Variants in SGSM3 observed in about 807,000 individuals in gnomAD.
SGSM3 encodes small G protein signaling modulator 3.
In SGSM3, 96 loss-of-function variants were observed where a neutral mutation model predicts 100.5. The ratio of observed to expected loss-of-function variants is 0.96; its 90% CI spans 0.81 to 1.13. SGSM3 has a LOEUF of 1.13. SGSM3 is among the 50% of genes most tolerant of loss of function. The probability of loss-of-function intolerance (pLI) is 0.00; values close to 1 mark genes in which losing one functional copy is unlikely to be tolerated. For synonymous variants in SGSM3, 483 were observed against 422.8 expected, an observed-to-expected ratio of 1.14 and a Z score of -1.75; for missense variants, 1,001 against 1,015.8, an observed-to-expected ratio of 0.99 and a Z score of 0.20.
chr22:40,372,696 C>A (rs1343065156), intron 1 of SGSM3: 5 of 152,208 alleles, frequency 3.3e-5, no homozygotes, highest in Admixed American at 3.3e-4. Flanking sequence ...ATAATCATCT[C>A]TTTTATTTTA....
chr22:40,408,751 C>A, intron 17 of SGSM3, 43 bp from the exon 18 acceptor site: 1 of 1,613,884 alleles, frequency 6.2e-7, no homozygotes, highest in Non-Finnish European at 8.5e-7. Flanking sequence ...AGGGCGGGGC[C>A]TGACCCAGCC....
In SGSM3 at chr22:40,407,298, C is replaced by A; in HGVS notation, c.1338C>A (p.Phe446Leu). 1 of 1,613,594 alleles carries A rather than the reference C, an allele frequency of 6.2e-7. No individual in the cohort carries two copies. Among genetic ancestry groups the A allele is most frequent in the African/African-American group, 1.3e-5 (1 of 75,064 alleles). Residue 446 changes from phenylalanine (F) to leucine (L), a missense_variant, in exon 12 of 22, where the codon TTC becomes TTA. Coordinates refer to ENST00000248929, the MANE Select transcript of SGSM3 (RefSeq NM_015705.6). This position sits in a 1 kb window ranked among gnomAD's most constrained non-coding sequence, Gnocchi z 4.7. ...REAILRVARH[F>L]QCTDPKNCSV... is the part of the protein sequence containing the mutation. The stretch of plus-strand genomic sequence containing the variant: ...CCATCCTGCGCGTGGCACGCCACTT[C>A]CAGTGCACAGACCCCAAAAACTGCA...
chr22:40,371,433 C>G (rs2045453675), intron 1 of SGSM3, among the ~76,000 whole-genome samples: 1 of 152,152 alleles, frequency 6.6e-6, no homozygotes, highest in Non-Finnish European at 1.5e-5. Context: ...TAGAGATGTC[C>G]TGGAATGTTC....
At position 40,407,896 on chromosome 22, in the gene SGSM3, AG is replaced by A; in HGVS notation, c.1579+54del. On this transcript the variant is annotated intron_variant, in intron 14 of 21. Coordinates refer to ENST00000248929, the MANE Select transcript of SGSM3 (RefSeq NM_015705.6). This position sits in a 1 kb window ranked among gnomAD's most constrained non-coding sequence, Gnocchi z 4.7. ...GGGAGAGGGAGGAGGGGGTGGGCAC[AG>A]AAGACTTGGGTGACCCTGGCCGCCA... 6.5e-7 allele frequency: 1 copy of A among 1,549,398 alleles called. No homozygotes were observed. Among genetic ancestry groups the A allele is most frequent in the South Asian group, 1.2e-5 (1 of 85,522 alleles).
rs769750141 is a variant in SGSM3 at position 40,407,058 on chromosome 22, TGCTCTGCTCTTCGGTGAGA to T, written c.1235_1240+13del. The T allele has an allele frequency of 6.3e-7, 1 of 1,592,090 alleles. No homozygotes were observed. Among genetic ancestry groups the T allele is most frequent in the South Asian group, 1.1e-5 (1 of 88,018 alleles). On this transcript the variant is annotated splice_donor_variant and splice_donor_5th_base_variant and coding_sequence_variant and intron_variant, in exon 11 of 22. Transcript: ENST00000248929. LOFTEE classifies it high-confidence loss of function. This position sits in a 1 kb window ranked among gnomAD's most constrained non-coding sequence, Gnocchi z 4.7. ...CCCAGCGGAGGAAGTCCACCATCACTGCTCTGCTCTTCGGTGAGAGCTCTGCGAGTGCCAGGCAGTGTGG... is the reference window on the plus strand; with the variant it reads ...CCCAGCGGAGGAAGTCCACCATCACTGCTCTGCGAGTGCCAGGCAGTGTGG...
intron 8 of SGSM3, 91 bp downstream of exon 8, chr22:40,405,935 A>G (rs2051429943): frequency 1.3e-6 from 2 of 1,481,790 alleles, no homozygotes; most frequent in Non-Finnish European, 1.8e-6. Context: ...CCCCCCAACC[A>G]TGGTCTTTGT....
chr22:40,407,458 G>C lies in SGSM3; in HGVS notation c.1414G>C (p.Glu472Gln), dbSNP rs781040855. The C allele has an allele frequency of 6.2e-7, 1 of 1,612,330 alleles. No individual in the cohort carries two copies. Among genetic ancestry groups the C allele is most frequent in the Non-Finnish European group, 8.5e-7 (1 of 1,179,904 alleles). Residue 472 changes from glutamate to glutamine, a missense_variant, in exon 13 of 22, where the codon GAG (glutamate) becomes CAG (glutamine). Coordinates refer to ENST00000248929, the MANE Select transcript of SGSM3 (RefSeq NM_015705.6). The surrounding 1 kb of genome is among the most constrained non-coding windows in gnomAD (Gnocchi z 4.7). Reference sequence around the variant, plus strand: ...CATGGAGAGCCACCAGCGGGACCACGAGAACTACGTGGCGTGCTCACGCAG... The same window carrying C: ...CATGGAGAGCCACCAGCGGGACCACCAGAACTACGTGGCGTGCTCACGCAG... Reference protein sequence around the residue: ...YSMESHQRDHENYVACSRSHR... With the variant: ...YSMESHQRDHQNYVACSRSHR...
intron 1 of SGSM3, among the ~76,000 whole-genome samples, chr22:40,375,372 G>A (rs1458186605): frequency 6.6e-6 from 1 of 152,152 alleles, no homozygotes; most frequent in East Asian, 1.9e-4. Flanking sequence ...CTAAGGTCAG[G>A]AGTTTGAGAC....
chr22:40,406,720 C>G, intron 10 of SGSM3, 58 bp downstream of exon 10: 1 of 1,439,602 alleles, frequency 6.9e-7, no homozygotes, highest in Non-Finnish European at 9.6e-7. Flanking sequence ...GAGGGGTCAC[C>G]TTGAAGTTCA....
chr22:40,404,525 G>C lies in SGSM3; in HGVS notation c.367-32G>C, dbSNP rs749462359. 2.4e-5 allele frequency: 38 copies of C among 1,611,400 alleles called. No homozygotes were observed. The Admixed American group carries it at 6.3e-4, about 27-fold the overall frequency. On this transcript the variant is annotated intron_variant, in intron 5 of 21. Transcript: ENST00000248929. ...CCCCATGATCAGGTGTCACGAGAAA[G>C]ACTGAGTGCCCTTGCGGCTCCCTTC...
intron 1 of SGSM3, among the ~76,000 whole-genome samples, chr22:40,393,267 G>A (rs1040377920): frequency 3.9e-5 from 6 of 152,184 alleles, no homozygotes; most frequent in Non-Finnish European, 8.8e-5. Context: ...AGAGGCGCGT[G>A]CCACCACGCC....
rs185532410 is a variant in SGSM3, at chr22:40,401,317, G to A, written c.8-276G>A. Reference sequence around the variant, plus strand: ...TGCCCAGGCTGGAGCGCAATGGCACGATCCTTGCTCACTGCAACCTCCGCT... The same window carrying A: ...TGCCCAGGCTGGAGCGCAATGGCACAATCCTTGCTCACTGCAACCTCCGCT... On this transcript the variant is annotated intron_variant, in intron 2 of 21. Transcript: ENST00000248929. 1.9e-4 allele frequency among the ~76,000 whole-genome samples: 29 copies of A among 152,050 alleles called. 1 individual carries two copies. In the East Asian group the frequency reaches 5.0e-3, roughly 26 times the overall value.
rs1019040661 is a variant in SGSM3, at chr22:40,409,836, G to C, written c.*77G>C. ...CCCAAGCTGCAGAGCCCAGGGAAGA[G>C]CAGCTCCAGAGCCCTGGCCGGGGCC... On this transcript the variant is annotated 3_prime_UTR_variant, in exon 22 of 22. Transcript: ENST00000248929. 1.9e-6 allele frequency: 3 copies of C among 1,546,338 alleles called. No homozygotes were observed. The African/African-American group carries it at 4.1e-5, about 21-fold the overall frequency.
intron 1 of SGSM3, among the ~76,000 whole-genome samples, chr22:40,385,454 AAG>A (rs1341198827): frequency 6.6e-6 from 1 of 152,198 alleles, no homozygotes; most frequent in Non-Finnish European, 1.5e-5. Context: ...CACAAAGGAA[AAG>A]AGTATAAAGG....
Position 40,408,492 on chromosome 22 carries a change from C to T in SGSM3, c.1782+63C>T, listed in dbSNP as rs1347658683. On this transcript the variant is annotated intron_variant, in intron 16 of 21. Transcript: ENST00000248929. The stretch of plus-strand genomic sequence containing the variant: ...CCAGCCCTGCTGTGCCCCCTAGTAC[C>T]CATCTTAGGTCCTTCCTGCCCCACA... 1.3e-5 allele frequency: 21 copies of T among 1,601,784 alleles called. No individual in the cohort carries two copies. The South Asian group carries it at 2.2e-4, about 17-fold the overall frequency.
intron 1 of SGSM3, among the ~76,000 whole-genome samples, chr22:40,398,894 G>A (rs966580152): frequency 1.4e-5 from 2 of 140,492 alleles, no homozygotes; most frequent in African/African-American, 5.2e-5. Flanking sequence ...AACTGATACA[G>A]ACGTGAAGTA....
chr22:40,384,307 G>A (rs1042658488), intron 1 of SGSM3, among the ~76,000 whole-genome samples: 2 of 152,076 alleles, frequency 1.3e-5, no homozygotes, highest in African/African-American at 2.4e-5. Context: ...GGATCTGAAT[G>A]TCTTGGGAGA....
At chr22:40,402,261 C>A in intron 4 of SGSM3, 56 bp downstream of exon 4, 1 of 1,348,662 alleles carries the variant, frequency 7.4e-7, no homozygotes, top group Non-Finnish European at 1.1e-6. Flanking sequence ...GGGAGGACTC[C>A]GCTCCCTTGA....
At chr22:40,394,426 T>C (rs1303660427) in intron 1 of SGSM3, among the ~76,000 whole-genome samples, 2 of 152,034 alleles carry the variant, frequency 1.3e-5, no homozygotes, top group African/African-American at 4.8e-5. Context: ...GGCGGGTGGA[T>C]CACGAGGTCA....
Sources: allele counts gnomAD v4.1 joint callset (sites outside exome capture counted in the v4.1 genomes callset), GRCh38; gene constraint gnomAD v4.1.1; non-coding constraint Gnocchi (gnomAD v3.1); transcripts MANE v1.5; gene names NCBI Gene and HGNC (gene_info 2026-07-23, HGNC 2026-07-21).